Variants in TPR observed in about 807,000 individuals in gnomAD.
The protein encoded by TPR is nucleoprotein TPR.
Under a neutral mutation model 316.1 loss-of-function variants are expected in TPR, and 51 were observed. The ratio of observed to expected loss-of-function variants is 0.16; its 90% CI spans 0.13 to 0.20. The LOEUF (loss-of-function observed/expected upper bound fraction) is 0.20, where lower values mean the gene tolerates loss of function less well. TPR is among the 10% of genes least tolerant of loss of function. The pLI is 1.00. For synonymous variants in TPR, 981 were observed against 914.7 expected, an observed-to-expected ratio of 1.07 and a Z score of -1.31; for missense variants, 2,272 against 2,754.8, an observed-to-expected ratio of 0.82 and a Z score of 3.92.
At position 186,323,854 on chromosome 1, in the gene TPR, A is replaced by C; in HGVS notation, c.6129T>G (p.Gly2043=). The C allele has an allele frequency of 6.5e-7, 1 of 1,545,194 alleles. No homozygotes were observed. The highest frequency in any genetic ancestry group is 8.7e-7 in the Non-Finnish European group (1 of 1,155,948). The part of the protein sequence containing the change: ...DSQNSGEGNT[G]AAESSFSQEV... ...CCTGAGAAAAAGAAGATTCTGCAGCACCTGTATTTCCTTCACCTGTAGGAA... is the reference window on the plus strand; with the variant it reads ...CCTGAGAAAAAGAAGATTCTGCAGCCCCTGTATTTCCTTCACCTGTAGGAA... The change falls in exon 43 of 51, where the codon GGT becomes GGG. Residue 2043 remains glycine, a synonymous_variant. Coordinates refer to ENST00000367478, the MANE Select transcript of TPR (RefSeq NM_003292.3).
chr1:186,350,301 C>CT lies in TPR; in HGVS notation c.2697dup (p.Glu900ArgfsTer11). ...AGGTGCTGTTTCAATGTGGCAATTT[C>CT]TTTTTGAGCATTTTTTAATAGTTCT... is the stretch of plus-strand genomic sequence containing the variant. On this transcript the variant is annotated frameshift_variant, in exon 21 of 51. Coordinates refer to ENST00000367478, the MANE Select transcript of TPR (RefSeq NM_003292.3). LOFTEE classifies it high-confidence loss of function. The CT allele has an allele frequency of 6.2e-7, 1 of 1,613,614 alleles. No individual in the cohort carries two copies. Among genetic ancestry groups the CT allele is most frequent in the Non-Finnish European group, 8.5e-7 (1 of 1,179,816 alleles).
chr1:186,327,720 A>C lies in TPR; in HGVS notation c.5689-60T>G. ...GCCCTATAAACATACCTAAAACTAT[A>C]TGTGAGGTATTATTATAGGTCAAAG... is the stretch of plus-strand genomic sequence containing the variant. On this transcript the variant is annotated intron_variant, in intron 39 of 50. Transcript: ENST00000367478. 2.9e-6 allele frequency: 4 copies of C among 1,389,602 alleles called. 1 individual carries two copies. In the South Asian group the frequency reaches 4.9e-5, roughly 17 times the overall value. The allele number at this position is 1,389,602 out of a possible 1,614,324, so 86.1% of individuals were successfully genotyped here.
chr1:186,325,645 C>G (rs1657902964), intron 42 of TPR, 119 bp downstream of exon 42: 1 of 765,706 alleles, frequency 1.3e-6, no homozygotes, highest in Non-Finnish European at 2.0e-6. Context: ...AAAGCTAGAA[C>G]AGGGGCCAAT....
Position 186,360,991 on chromosome 1 carries a change from C to T in TPR, c.959-86G>A. ...ATGCAACAGATCAGTCACTTCTCCC[C>T]TCAGCAGATAATATTAAATTTCTAG... On this transcript the variant is annotated intron_variant, in intron 9 of 50. Coordinates refer to ENST00000367478, the MANE Select transcript of TPR (RefSeq NM_003292.3). The T allele has an allele frequency of 3.0e-6, 4 of 1,331,654 alleles. No individual in the cohort carries two copies. The South Asian group carries it at 5.7e-5, about 19-fold the overall frequency. 82.5% of individuals were successfully genotyped at this position (1,331,654 alleles called of 1,614,324 possible).
chr1:186,365,727 G>A lies in TPR; in HGVS notation c.427+2159C>T, dbSNP rs555215461. On this transcript the variant is annotated intron_variant, in intron 4 of 50. Coordinates refer to ENST00000367478, the MANE Select transcript of TPR (RefSeq NM_003292.3). ...CTGAAATAATAAATTCCTGTTGGAG[G>A]AAACTCTCCAGATGTTGTGCATGAT... Among the ~76,000 whole-genome samples the A allele has an allele frequency of 3.3e-5, 5 of 152,288 alleles. No individual in the cohort carries two copies. The South Asian group carries it at 1.0e-3, about 32-fold the overall frequency.
At chr1:186,364,601 C>T (rs1288220231) in intron 4 of TPR, among the ~76,000 whole-genome samples, 2 of 152,068 alleles carry the variant, frequency 1.3e-5, no homozygotes, top group African/African-American at 2.4e-5. Context: ...AGGAAGGTGA[C>T]AGATCTAAAG....
chr1:186,346,374 G>A (rs1658676595), intron 22 of TPR, 87 bp from the exon 23 acceptor site: 3 of 1,299,038 alleles, frequency 2.3e-6, no homozygotes, highest in Admixed American at 2.6e-5. Flanking sequence ...ACTAATTTGA[G>A]AAGTAATAAA....
At chr1:186,352,365 A>G (rs1214191383) in intron 18 of TPR, among the ~76,000 whole-genome samples, 1 of 152,204 alleles carries the variant, frequency 6.6e-6, no homozygotes, top group Non-Finnish European at 1.5e-5. Flanking sequence ...TCCACAGTTT[A>G]AAAAATAACA....
chr1:186,357,459 T>C lies in TPR; in HGVS notation c.1662A>G (p.Leu554=), dbSNP rs780419724. The C allele has an allele frequency of 5.0e-6, 8 of 1,613,990 alleles. No homozygotes were observed. The highest frequency in any genetic ancestry group is 6.8e-6 in the Non-Finnish European group (8 of 1,180,030). ...TTTCCCCAAGCTCTCTAAGGGCCACTAAGAGACGTTGATTTTGTTGTTGAA... is the reference window on the plus strand; with the variant it reads ...TTTCCCCAAGCTCTCTAAGGGCCACCAAGAGACGTTGATTTTGTTGTTGAA... ...EELQQQNQRL[L]VALRELGETR... is the part of the protein sequence containing the mutation. The change falls in exon 14 of 51, where the codon TTA becomes TTG. Residue 554 remains leucine (L), a synonymous_variant. Transcript: ENST00000367478.
At chr1:186,344,294 C>T in intron 25 of TPR, 81 bp downstream of exon 25, 1 of 1,506,592 alleles carries the variant, frequency 6.6e-7, no homozygotes, top group Non-Finnish European at 9.0e-7. Flanking sequence ...GAGCGAGGCT[C>T]CATCTCAAAA....
At chr1:186,320,903 G>A (rs184867971) in intron 45 of TPR, among the ~76,000 whole-genome samples, 2 of 152,256 alleles carry the variant, frequency 1.3e-5, no homozygotes, top group African/African-American at 4.8e-5. Flanking sequence ...CTAAAAACTT[G>A]CTTTCTTTGT....
chr1:186,329,579 G>C (rs529767283), intron 39 of TPR, among the ~76,000 whole-genome samples: 13 of 152,154 alleles, frequency 8.5e-5, no homozygotes, highest in African/African-American at 3.1e-4. Flanking sequence ...TAACTGTTTT[G>C]ACTGTGGCCC....
Position 186,361,687 on chromosome 1 carries a change from G to A in TPR, c.893C>T (p.Ala298Val). The change falls in exon 9 of 51, where the codon GCA (alanine) becomes GTA (valine). Residue 298 changes from alanine to valine, a missense_variant. By Grantham distance (64) the Ala-to-Val change is moderately conservative. Around this residue, in one of 10 missense-constraint regions of TPR, gnomAD observed 549 missense variants for 598.6 expected, o/e 0.92. Transcript: ENST00000367478. ...TGCCCGGGTTAGTTCATTGCTCTTT[G>A]CTTCTGAGTCATCAGCGGCACTCTA... ...LYKSAADDSE[A>V]KSNELTRAVE... The A allele has an allele frequency of 6.2e-7, 1 of 1,613,264 alleles. No homozygotes were observed. The highest frequency in any genetic ancestry group is 8.5e-7 in the Non-Finnish European group (1 of 1,179,448).
intron 39 of TPR, 64 bp downstream of exon 39, chr1:186,331,434 T>G: frequency 8.7e-7 from 1 of 1,145,512 alleles, no homozygotes; most frequent in Non-Finnish European, 1.3e-6. Flanking sequence ...ATGTTTCAAT[T>G]TGTCAAAGCT....
rs1658883460 is a variant in TPR, at chr1:186,352,223, G to A, written c.2335-113C>T. The stretch of plus-strand genomic sequence containing the variant: ...CACTACTTTTTTTTAATGCTCTTAG[G>A]GACTATATCTCCTCATTGTATAAGG... On this transcript the variant is annotated intron_variant, in intron 18 of 50. Coordinates refer to ENST00000367478, the MANE Select transcript of TPR (RefSeq NM_003292.3). The A allele has an allele frequency of 2.7e-5, 25 of 939,876 alleles. No individual in the cohort carries two copies. The South Asian group carries it at 5.8e-4, about 22-fold the overall frequency. The allele number at this position is 939,876 out of a possible 1,614,324, so 58.2% of individuals were successfully genotyped here. A position where few individuals can be genotyped will look rare whatever the true frequency, so the allele number is the denominator to read the frequency against.
intron 18 of TPR, 31 bp from the exon 19 acceptor site, chr1:186,352,141 G>T (rs1358891244): frequency 1.3e-6 from 2 of 1,563,578 alleles, no homozygotes; most frequent in Non-Finnish European, 1.7e-6. Flanking sequence ...AATAAAAAAT[G>T]CTGAAAAACA....
intron 10 of TPR, 108 bp downstream of exon 10, chr1:186,360,657 T>A: frequency 7.1e-7 from 1 of 1,403,738 alleles, no homozygotes; most frequent in Non-Finnish European, 9.7e-7. Flanking sequence ...CTCGATGGAG[T>A]TTCCTACATC....
chr1:186,328,398 T>C (rs1658062373), intron 39 of TPR, among the ~76,000 whole-genome samples: 1 of 152,128 alleles, frequency 6.6e-6, no homozygotes, highest in Admixed American at 6.6e-5. Flanking sequence ...AATGTAAAAA[T>C]TATTAACCAG....
intron 32 of TPR, 60 bp from the exon 33 acceptor site, chr1:186,336,754 T>C: frequency 6.6e-7 from 1 of 1,510,378 alleles, no homozygotes; most frequent in Non-Finnish European, 9.0e-7. Flanking sequence ...AAACTGTATG[T>C]GGTAGCAACT....
Sources: gnomAD v4.1 joint callset for allele counts (sites outside exome capture counted in the v4.1 genomes callset) on GRCh38, gnomAD v4.1.1 for gene constraint, gnomAD v4.1.1 regional missense constraint, MANE v1.5 for transcripts, NCBI Gene and HGNC (gene_info 2026-07-23, HGNC 2026-07-21) for gene names.